Variants in SPAST observed in about 807,000 individuals in gnomAD.
SPAST encodes the protein spastin.
A neutral mutation model predicts 76.6 loss-of-function variants in SPAST; 30 were observed. That is an observed-to-expected ratio of 0.39 (90% CI 0.29 to 0.53). The LOEUF (loss-of-function observed/expected upper bound fraction) is 0.53, where lower values mean the gene tolerates loss of function less well. SPAST is among the 20% of genes least tolerant of loss of function. SPAST has a pLI of 0.68. For synonymous variants in SPAST, 305 were observed against 281.0 expected (o/e 1.09, Z -0.86); for missense variants, 717 against 770.5 (o/e 0.93, Z 0.82).
chr2:32,133,750 C>T (rs572906252), intron 9 of SPAST, among the ~76,000 whole-genome samples: 1 of 150,814 alleles, frequency 6.6e-6, no homozygotes, highest in East Asian at 1.9e-4. Flanking sequence ...TTCAATACAT[C>T]AGTATGCTGC....
chr2:32,150,145 T>A (rs1007457555), intron 16 of SPAST, among the ~76,000 whole-genome samples: 3 of 150,710 alleles, frequency 2.0e-5, no homozygotes, highest in African/African-American at 7.3e-5. Flanking sequence ...TGATCTCAGC[T>A]CACTGCAACC....
In SPAST at chr2:32,072,338, C is replaced by T. The variant is rs548112221; in HGVS notation, c.415+8092C>T. 2.1e-4 allele frequency among the ~76,000 whole-genome samples: 32 copies of T among 152,276 alleles called. No individual in the cohort carries two copies. In the Middle Eastern group the frequency reaches 0.014, roughly 65 times the overall value. On this transcript the variant is annotated intron_variant, in intron 1 of 16. Transcript: ENST00000315285. ...GATTACAGGCGTGAGCCACTGTGCC[C>T]GGCCTCAAAATACTTCAATTTCTTT... is the stretch of plus-strand genomic sequence containing the variant.
At chr2:32,117,484 AAG>A (rs1365440910) in intron 7 of SPAST, among the ~76,000 whole-genome samples, 3 of 151,806 alleles carry the variant, frequency 2.0e-5, no homozygotes, top group East Asian at 1.9e-4. Context: ...TATTTTTAAA[AAG>A]AGAGAAATTG....
At chr2:32,114,956 AAT>A in intron 5 of SPAST, 131 bp downstream of exon 5, 1 of 556,008 alleles carries the variant, frequency 1.8e-6, no homozygotes, top group Non-Finnish European at 2.9e-6. Flanking sequence ...CATAAAGTTA[AAT>A]TTTTTTTTTT....
intron 7 of SPAST, among the ~76,000 whole-genome samples, chr2:32,119,251 C>A (rs1441021161): frequency 1.3e-5 from 2 of 152,130 alleles, no homozygotes; most frequent in South Asian, 2.1e-4. Context: ...AATAGACTCA[C>A]AAAATGAATC....
intron 1 of SPAST, among the ~76,000 whole-genome samples, chr2:32,083,776 A>ATATATATATATATATT (rs1553398791): frequency 2.2e-5 from 1 of 46,088 alleles, no homozygotes; most frequent in Non-Finnish European, 3.7e-5. Flanking sequence ...ATATATATAT[A>ATATATATATATATATT]TTTTTTTTTT....
At chr2:32,148,665 C>G (rs1679974631) in intron 16 of SPAST, among the ~76,000 whole-genome samples, 2 of 152,048 alleles carry the variant, frequency 1.3e-5, no homozygotes, top group South Asian at 4.1e-4. Context: ...AAAAAAATTA[C>G]CGGGGCGTGG....
intron 15 of SPAST, 129 bp downstream of exon 15, chr2:32,145,136 G>C (rs917072373): frequency 1.8e-5 from 12 of 667,092 alleles, no homozygotes; most frequent in Non-Finnish European, 2.9e-5. Flanking sequence ...CTGTTGCCCA[G>C]GCTGTAGTGC....
At chr2:32,122,476 CA>C (rs1679052508) in intron 7 of SPAST, among the ~76,000 whole-genome samples, 1 of 152,138 alleles carries the variant, frequency 6.6e-6, no homozygotes, top group Admixed American at 6.5e-5. Flanking sequence ...CATGCACCAC[CA>C]CGCCTGGCTA....
chr2:32,142,885 ATAG>A (rs1679766946), intron 13 of SPAST, among the ~76,000 whole-genome samples: 1 of 152,210 alleles, frequency 6.6e-6, no homozygotes, highest in African/African-American at 2.4e-5. Context: ...GGTGAAATTC[ATAG>A]TAGATGAATT....
At position 32,145,093 on chromosome 2, in the gene SPAST, A is replaced by T. The variant is rs1558342058; in HGVS notation, c.1687+86A>T. The T allele has an allele frequency of 8.4e-6, 8 of 954,466 alleles. No homozygotes were observed. The Admixed American group carries it at 1.5e-4, about 18-fold the overall frequency. The allele number at this position is 954,466 out of a possible 1,614,324, so 59.1% of individuals were successfully genotyped here. On this transcript the variant is annotated intron_variant, in intron 15 of 16. Transcript: ENST00000315285. ...GAAGTCCAAAAAAATCTACCAAGAGATTTTTTTTTTCTTTTGGAGACAGGG... is the reference window on the plus strand; with the variant it reads ...GAAGTCCAAAAAAATCTACCAAGAGTTTTTTTTTTTCTTTTGGAGACAGGG...
At chr2:32,070,232 A>C (rs1676693995) in intron 1 of SPAST, among the ~76,000 whole-genome samples, 2 of 151,718 alleles carry the variant, frequency 1.3e-5, no homozygotes, top group South Asian at 4.2e-4. Context: ...TGCCTGGCTA[A>C]TATTTTTGTA....
intron 5 of SPAST, 132 bp downstream of exon 5, chr2:32,114,957 ATTTTT>A: frequency 2.0e-6 from 1 of 492,176 alleles, no homozygotes; most frequent in Non-Finnish European, 3.5e-6. Context: ...ATAAAGTTAA[ATTTTT>A]TTTTTTTTTT....
chr2:32,064,025 G>T lies in SPAST; in HGVS notation c.194G>T (p.Arg65Leu), dbSNP rs757145918. The change falls in exon 1 of 17, where the codon CGT becomes CTT. Residue 65 changes from arginine to leucine, a missense_variant. Coordinates refer to ENST00000315285, the MANE Select transcript of SPAST (RefSeq NM_014946.4). Reference protein sequence around the residue: ...YPLFVGFALLRLVAFHLGLLF... With the variant: ...YPLFVGFALLLLVAFHLGLLF... ...CTGTTTGTAGGCTTCGCGCTGCTGC[G>T]TTTGGTCGCCTTCCACCTGGGGCTC... 1 of 1,613,426 alleles carries T rather than the reference G, an allele frequency of 6.2e-7. No individual in the cohort carries two copies.
chr2:32,134,272 GC>G (rs1679462825), intron 9 of SPAST, among the ~76,000 whole-genome samples: 1 of 152,078 alleles, frequency 6.6e-6, no homozygotes, highest in Non-Finnish European at 1.5e-5. Context: ...GGAGGCCGAG[GC>G]AGGCGAATCA....
At chr2:32,126,912 G>T in intron 7 of SPAST, 36 bp from the exon 8 acceptor site, 1 of 1,427,292 alleles carries the variant, frequency 7.0e-7, no homozygotes, top group South Asian at 1.2e-5. Flanking sequence ...AATGTCTCTA[G>T]AATCATAGTT....
intron 1 of SPAST, among the ~76,000 whole-genome samples, chr2:32,079,630 C>G (rs921173106): frequency 2.3e-5 from 3 of 129,254 alleles, no homozygotes; most frequent in Non-Finnish European, 4.8e-5. Context: ...GCACAATCAA[C>G]TCACTGCAGC....
intron 4 of SPAST, among the ~76,000 whole-genome samples, chr2:32,104,855 C>G (rs1216424816): frequency 6.6e-6 from 1 of 152,130 alleles, no homozygotes; most frequent in African/African-American, 2.4e-5. Flanking sequence ...TTGTGGGTAA[C>G]CCGACCTTTC....
In SPAST at chr2:32,142,827, G is replaced by A. The variant is rs570792093; in HGVS notation, c.1537-509G>A. Among the ~76,000 whole-genome samples the A allele has an allele frequency of 3.3e-5, 5 of 152,252 alleles. No homozygotes were observed. The East Asian group carries it at 9.6e-4, about 29-fold the overall frequency. Reference sequence around the variant, plus strand: ...CTAAAACTGGATTGTGGTGATGATTGCACATCTATAAATGTATTAAAACTC... The same window carrying A: ...CTAAAACTGGATTGTGGTGATGATTACACATCTATAAATGTATTAAAACTC... On this transcript the variant is annotated intron_variant, in intron 13 of 16. Coordinates refer to ENST00000315285, the MANE Select transcript of SPAST (RefSeq NM_014946.4).
Sources: gnomAD v4.1 joint callset for allele counts (sites outside exome capture counted in the v4.1 genomes callset) on GRCh38, gnomAD v4.1.1 for gene constraint, MANE v1.5 for transcripts, NCBI Gene and HGNC (gene_info 2026-07-23, HGNC 2026-07-21) for gene names.